Variants in PCDH15 observed in about 807,000 individuals in gnomAD.
PCDH15 encodes the protein protocadherin related 15.
PCDH15 carries 129 observed loss-of-function variants against 178.5 expected under a neutral mutation model. That is an observed-to-expected ratio of 0.72 (90% confidence interval 0.63 to 0.84). The LOEUF is 0.84. PCDH15 is among the 40% of genes least tolerant of loss of function. The probability of loss-of-function intolerance (pLI) is 0.00; values close to 1 mark genes in which losing one functional copy is unlikely to be tolerated. For synonymous variants in PCDH15, 800 were observed against 732.0 expected (o/e 1.09, Z -1.50); for missense variants, 2,230 against 2,099.9 (o/e 1.06, Z -1.21).
intron 2 of PCDH15, among the ~76,000 whole-genome samples, chr10:54,573,483 T>A (rs2090087211): frequency 6.6e-6 from 1 of 152,230 alleles, no homozygotes; most frequent in South Asian, 2.1e-4. Flanking sequence ...AATCTAATAA[T>A]GCATGCATTT....
At chr10:54,993,848 G>A (rs183393177) in intron 2 of PCDH15, among the ~76,000 whole-genome samples, 32 of 152,018 alleles carry the variant, frequency 2.1e-4, no homozygotes, top group Admixed American at 1.4e-3. Context: ...TTAATGACAC[G>A]AAAAGATCAA....
intron 2 of PCDH15, among the ~76,000 whole-genome samples, chr10:55,388,370 C>T (rs181515151): frequency 1.3e-5 from 2 of 152,090 alleles, no homozygotes; most frequent in African/African-American, 2.4e-5. Context: ...GCTTAATTTT[C>T]ATTAACATTG....
intron 2 of PCDH15, among the ~76,000 whole-genome samples, chr10:55,156,002 T>C (rs1838877773): frequency 6.6e-6 from 1 of 152,042 alleles, no homozygotes; most frequent in African/African-American, 2.4e-5. Context: ...AAAGAAGACC[T>C]GCAAATGGAT....
At chr10:54,494,022 T>C (rs1214635797) in intron 3 of PCDH15, among the ~76,000 whole-genome samples, 121 of 123,550 alleles carry the variant, frequency 9.8e-4, no homozygotes, top group Admixed American at 1.7e-3. Context: ...CACTCATAGG[T>C]GGGAATTGAA....
At chr10:55,360,276 A>G (rs147932469) in intron 2 of PCDH15, among the ~76,000 whole-genome samples, 21 of 152,112 alleles carry the variant, frequency 1.4e-4, no homozygotes, top group African/African-American at 5.1e-4. Context: ...GTATATGATA[A>G]AATACATGAA....
At chr10:54,059,014 G>A (rs2093959826) in intron 18 of PCDH15, among the ~76,000 whole-genome samples, 1 of 152,008 alleles carries the variant, frequency 6.6e-6, no homozygotes, top group South Asian at 2.1e-4. Context: ...TCTTCTAACA[G>A]TATGTTTGTA....
chr10:54,239,706 C>A (rs1184087807), intron 8 of PCDH15, among the ~76,000 whole-genome samples: 1 of 151,910 alleles, frequency 6.6e-6, no homozygotes, highest in Non-Finnish European at 1.5e-5. Context: ...CAAGTTTCTG[C>A]AAATTTAAAA....
At chr10:55,201,127 G>A (rs995255089) in intron 1 of PCDH15, among the ~76,000 whole-genome samples, 3 of 151,956 alleles carry the variant, frequency 2.0e-5, no homozygotes, top group Admixed American at 6.6e-5. Context: ...CTTAGAAAAC[G>A]AAAGATTTCA....
chr10:53,850,566 T>G (rs926573143), intron 28 of PCDH15, among the ~76,000 whole-genome samples: 2 of 152,110 alleles, frequency 1.3e-5, no homozygotes, highest in African/African-American at 4.8e-5. Context: ...ACACTTAACC[T>G]TTTTTTAAAG....
intron 2 of PCDH15, among the ~76,000 whole-genome samples, chr10:55,474,045 C>A (rs1284153719): frequency 2.6e-5 from 4 of 152,104 alleles, no homozygotes; most frequent in Non-Finnish European, 4.4e-5. Flanking sequence ...GCATGCAAGA[C>A]CATGCCACTT....
chr10:55,603,213 G>A (rs1012452315), intron 2 of PCDH15, among the ~76,000 whole-genome samples: 4 of 152,108 alleles, frequency 2.6e-5, no homozygotes, highest in South Asian at 2.1e-4. Context: ...AAACAGAAAC[G>A]AGCAAAGCCT....
chr10:55,306,070 T>G (rs1843416821), intron 1 of PCDH15, among the ~76,000 whole-genome samples: 1 of 152,214 alleles, frequency 6.6e-6, no homozygotes, highest in South Asian at 2.1e-4. Context: ...ATGTATAATT[T>G]TAAATGTAAA....
At chr10:54,425,208 C>T (rs371585676) in intron 3 of PCDH15, among the ~76,000 whole-genome samples, 1 of 152,092 alleles carries the variant, frequency 6.6e-6, no homozygotes. Context: ...GAGAAGTGGA[C>T]TTTTTAAAGA....
chr10:54,851,228 C>A (rs925937285), intron 3 of PCDH15, among the ~76,000 whole-genome samples: 2 of 151,710 alleles, frequency 1.3e-5, no homozygotes, highest in African/African-American at 4.8e-5. Context: ...CTCATATATC[C>A]CCATAAATGT....
intron 2 of PCDH15, among the ~76,000 whole-genome samples, chr10:55,419,198 G>A (rs780626081): frequency 6.6e-6 from 1 of 151,640 alleles, no homozygotes; most frequent in Non-Finnish European, 1.5e-5. Flanking sequence ...GGGGAGGGAG[G>A]CCAGTTTGAC....
chr10:54,583,881 A>G (rs982941342), intron 2 of PCDH15, among the ~76,000 whole-genome samples: 1 of 152,120 alleles, frequency 6.6e-6, no homozygotes, highest in African/African-American at 2.4e-5. Context: ...ACAAAAATCT[A>G]TTGCCTAAAT....
At chr10:53,936,888 T>A (rs1380544288) in intron 25 of PCDH15, among the ~76,000 whole-genome samples, 1 of 152,130 alleles carries the variant, frequency 6.6e-6, no homozygotes, top group East Asian at 1.9e-4. Context: ...ATGGTTGTAT[T>A]TGCATAACTA....
chr10:55,203,069 T>A (rs528669171), intron 1 of PCDH15, among the ~76,000 whole-genome samples: 9 of 152,138 alleles, frequency 5.9e-5, no homozygotes, highest in Non-Finnish European at 1.3e-4. Flanking sequence ...TAAAAATCAG[T>A]CTTATCATGC....
chr10:55,192,865 G>C (rs1461517086), intron 1 of PCDH15, among the ~76,000 whole-genome samples: 1 of 150,918 alleles, frequency 6.6e-6, no homozygotes, highest in Non-Finnish European at 1.5e-5. Context: ...TATTTTATGA[G>C]TTTATATGTA....
Sources: gnomAD v4.1 joint callset for allele counts (sites outside exome capture counted in the v4.1 genomes callset) on GRCh38, gnomAD v4.1.1 for gene constraint, MANE v1.5 for transcripts, NCBI Gene and HGNC (gene_info 2026-07-23, HGNC 2026-07-21) for gene names.